RSF1: variants seen among roughly 807,000 people sequenced by gnomAD.
RSF1 encodes the protein HBV pX-associated protein 8.
RSF1 carries 13 observed loss-of-function variants against 145.2 expected under a neutral mutation model. That is an observed-to-expected ratio of 0.09 (90% CI 0.06 to 0.14). The LOEUF (loss-of-function observed/expected upper bound fraction) is 0.14. Among genes scored for constraint, RSF1 ranks in the 10% least tolerant of loss-of-function variants. The probability of loss-of-function intolerance (pLI) is 1.00; values close to 1 mark genes in which losing one functional copy is unlikely to be tolerated. For synonymous variants in RSF1, 577 were observed against 592.6 expected (o/e 0.97, Z 0.38); for missense variants, 1,517 against 1,718.2 (o/e 0.88, Z 2.07).
intron 11 of RSF1, among the ~76,000 whole-genome samples, 171 bp downstream of exon 11, chr11:77,683,538 CA>C (rs1468787778): frequency 2.5e-5 from 3 of 120,006 alleles, no homozygotes; most frequent in African/African-American, 3.2e-5. Context: ...GACTCAGTCT[CA>C]AAAAAAAAAG....
intron 7 of RSF1, among the ~76,000 whole-genome samples, chr11:77,694,895 T>A (rs988071583): frequency 2.6e-5 from 4 of 152,180 alleles, no homozygotes; most frequent in African/African-American, 7.2e-5. Context: ...GTCCTGAAAT[T>A]TGAGTTTGTT....
At position 77,689,240 on chromosome 11, in the gene RSF1, C is replaced by T. The variant is rs115888104; in HGVS notation, c.2900+1919G>A. On this transcript the variant is annotated intron_variant, in intron 9 of 15. Coordinates refer to ENST00000308488, the MANE Select transcript of RSF1 (RefSeq NM_016578.4). ...CTCAGGTTTGCTATTCCAACAGTCCCAACTCTATTTCATTCTTCTGTTACC... is the reference window on the plus strand; with the variant it reads ...CTCAGGTTTGCTATTCCAACAGTCCTAACTCTATTTCATTCTTCTGTTACC... Among the ~76,000 whole-genome samples, 443 of 152,308 alleles carry T rather than the reference C, an allele frequency of 2.9e-3. 2 individuals carry two copies. Among genetic ancestry groups the T allele is most frequent in the African/African-American group, 0.01 (425 of 41,556 alleles).
chr11:77,797,114 C>T (rs1948580315), intron 1 of RSF1, among the ~76,000 whole-genome samples: 1 of 152,156 alleles, frequency 6.6e-6, no homozygotes, highest in African/African-American at 2.4e-5. Flanking sequence ...AATGCTATCC[C>T]CATCAAGCTA....
chr11:77,725,554 G>A lies in RSF1; in HGVS notation c.724C>T (p.Pro242Ser). The A allele has an allele frequency of 6.4e-7, 1 of 1,558,400 alleles. No individual in the cohort carries two copies. Among genetic ancestry groups the A allele is most frequent in the South Asian group, 1.2e-5 (1 of 82,918 alleles). ...DEETKKEEET[P>S]KQEEQKESEK... ...ACACACAAAAAAAAACCTTGTTTAG[G>A]TGTTTCTTCCTCTTTTTTAGTCTCC... The change falls in exon 5 of 16, where the codon CCT (proline) becomes TCT (serine). Residue 242 changes from proline to serine, a missense_variant. By Grantham distance (74) the Pro-to-Ser change is moderately conservative. Around this residue, in one of 12 missense-constraint regions of RSF1, gnomAD observed 207 missense variants for 191.4 expected, o/e 1.08. Transcript: ENST00000308488.
Position 77,672,203 on chromosome 11 carries a change from T to C in RSF1, c.3590A>G (p.Asp1197Gly), listed in dbSNP as rs139872567. The C allele has an allele frequency of 2.5e-5, 40 of 1,605,336 alleles. No homozygotes were observed. Among genetic ancestry groups the C allele is most frequent in the Middle Eastern group, 1.7e-4 (1 of 6,044 alleles). ...CCTTCGCCGAGTTTCTACAAAATCA[T>C]CACTAAAATCATCACTGAAGTCACT... The part of the protein sequence containing the change: ...SESDFSDDFS[D>G]DFVETRRRRS... The change falls in exon 15 of 16, where the codon GAT (aspartate) becomes GGT (glycine). Residue 1197 changes from aspartate (D) to glycine (G), a missense_variant. Asp to Gly is a moderately conservative substitution (Grantham distance 94). Transcript: ENST00000308488.
chr11:77,804,681 A>T (rs1360884250), intron 1 of RSF1, among the ~76,000 whole-genome samples: 1 of 152,110 alleles, frequency 6.6e-6, no homozygotes, highest in Non-Finnish European at 1.5e-5. Context: ...TAGAAAAAAA[A>T]AATTAGCTGA....
chr11:77,785,648 T>C (rs1243772109), intron 1 of RSF1, among the ~76,000 whole-genome samples: 4 of 151,284 alleles, frequency 2.6e-5, no homozygotes, highest in Middle Eastern at 3.2e-3. Context: ...GCAGATGATA[T>C]GAATTTTTAA....
chr11:77,681,060 G>C (rs1276869041), intron 11 of RSF1, among the ~76,000 whole-genome samples: 1 of 152,104 alleles, frequency 6.6e-6, no homozygotes, highest in African/African-American at 2.4e-5. Context: ...TCCCACTCTT[G>C]CCTTAATGAT....
intron 1 of RSF1, among the ~76,000 whole-genome samples, chr11:77,773,951 T>G (rs1023399308): frequency 6.6e-6 from 1 of 151,878 alleles, no homozygotes; most frequent in African/African-American, 2.4e-5. Context: ...CAGTGTAATA[T>G]CGACAACAAC....
At position 77,791,704 on chromosome 11, in the gene RSF1, C is replaced by T. The variant is rs575067753; in HGVS notation, c.188-27015G>A. Among the ~76,000 whole-genome samples, 8 of 152,230 alleles carry T rather than the reference C, an allele frequency of 5.3e-5. 1 individual carries two copies. The South Asian group carries it at 1.4e-3, about 28-fold the overall frequency. The stretch of plus-strand genomic sequence containing the variant: ...ATCTCTAGGGCAGGGGAAAATGTCG[C>T]CAGTCTCTTTGCTAAAACATAACAA... On this transcript the variant is annotated intron_variant, in intron 1 of 15. Coordinates refer to ENST00000308488, the MANE Select transcript of RSF1 (RefSeq NM_016578.4).
intron 1 of RSF1, among the ~76,000 whole-genome samples, chr11:77,801,589 T>C (rs1379855269): frequency 6.6e-6 from 1 of 152,156 alleles, no homozygotes; most frequent in East Asian, 1.9e-4. Flanking sequence ...CTAAATTCCT[T>C]GCAATTTCCT....
At chr11:77,752,758 T>C (rs1230522779) in intron 2 of RSF1, among the ~76,000 whole-genome samples, 1 of 152,130 alleles carries the variant, frequency 6.6e-6, no homozygotes, top group Non-Finnish European at 1.5e-5. Flanking sequence ...AACATAAGAC[T>C]GAGACCTACT....
At chr11:77,781,716 T>C (rs952115785) in intron 1 of RSF1, among the ~76,000 whole-genome samples, 3 of 152,228 alleles carry the variant, frequency 2.0e-5, no homozygotes, top group South Asian at 4.1e-4. Context: ...ATATTGTTCA[T>C]GTCTTCTATA....
chr11:77,675,111 G>C lies in RSF1; in HGVS notation c.3487C>G (p.Arg1163Gly). ...TATTTTTTCTTTGGGGTCTTTCTTC[G>C]CAAACGCCTGCTCTGCCTCATTGGC... The part of the protein sequence containing the change: ...SRPMRQSRRL[R>G]RKTPKKKYSD... Residue 1163 changes from arginine (R) to glycine (G), a missense_variant, in exon 14 of 16, where the codon CGA (arginine) becomes GGA (glycine). By Grantham distance (125) the Arg-to-Gly change is moderately radical. Transcript: ENST00000308488. 6.2e-7 allele frequency: 1 copy of C among 1,613,724 alleles called. No homozygotes were observed. Among genetic ancestry groups the C allele is most frequent in the South Asian group, 1.1e-5 (1 of 91,032 alleles).
At chr11:77,765,900 A>G (rs542353294) in intron 1 of RSF1, among the ~76,000 whole-genome samples, 2 of 152,102 alleles carry the variant, frequency 1.3e-5, no homozygotes, top group East Asian at 3.9e-4. Context: ...GGTGCCCACC[A>G]CTACTCCCGG....
intron 1 of RSF1, among the ~76,000 whole-genome samples, chr11:77,785,568 C>G (rs939865012): frequency 6.7e-6 from 1 of 150,304 alleles, no homozygotes; most frequent in African/African-American, 2.5e-5. Context: ...CCAGCCCAGG[C>G]AACAAGAGCG....
chr11:77,819,874 CCCTCCCGTGGGGGAGGAGCAGA>C (rs999948617), intron 1 of RSF1, among the ~76,000 whole-genome samples: 2 of 151,964 alleles, frequency 1.3e-5, no homozygotes, highest in Non-Finnish European at 2.9e-5. Flanking sequence ...GAGAAGAACC[CCCTCCCGTGGGGGAGGAGCAGA>C]CCTCCCCACT....
chr11:77,727,718 G>A (rs558353517), intron 4 of RSF1, among the ~76,000 whole-genome samples: 3 of 152,160 alleles, frequency 2.0e-5, no homozygotes, highest in African/African-American at 7.2e-5. Context: ...GACCTCAAGT[G>A]ATCTGCCTGC....
chr11:77,737,971 T>C (rs1391248661), intron 4 of RSF1, among the ~76,000 whole-genome samples: 1 of 151,812 alleles, frequency 6.6e-6, no homozygotes, highest in Non-Finnish European at 1.5e-5. Context: ...CTACTAAAAC[T>C]ACAAAAAATT....
Sources: gnomAD v4.1 joint callset for allele counts (sites outside exome capture counted in the v4.1 genomes callset) on GRCh38, gnomAD v4.1.1 for gene constraint, gnomAD v4.1.1 regional missense constraint, MANE v1.5 for transcripts, NCBI Gene and HGNC (gene_info 2026-07-23, HGNC 2026-07-21) for gene names.